Variants in ZNF644 observed in about 807,000 individuals in gnomAD.
ZNF644 encodes zinc finger protein 644.
A neutral mutation model predicts 108.0 loss-of-function variants in ZNF644; 20 were observed. The observed-to-expected ratio is 0.19, with a 90% CI of 0.13 to 0.27. The LOEUF is 0.27. ZNF644 is among the 10% of genes least tolerant of loss of function. The probability of loss-of-function intolerance (pLI) is 1.00; values close to 1 mark genes in which losing one functional copy is unlikely to be tolerated. For missense variants in ZNF644, 1,338 were observed against 1,548.9 expected (o/e 0.86, Z 2.29); for synonymous variants, 542 against 539.1 (o/e 1.01, Z -0.08).
At chr1:90,951,131 T>C (rs926105286) in intron 2 of ZNF644, among the ~76,000 whole-genome samples, 2 of 152,204 alleles carry the variant, frequency 1.3e-5, no homozygotes, top group African/African-American at 4.8e-5. Context: ...TTCTCATCAC[T>C]GCTATACCCA....
Position 90,938,368 on chromosome 1 carries a change from G to A in ZNF644, c.2986C>T (p.Arg996Cys), listed in dbSNP as rs921185022. 4.3e-6 allele frequency: 7 copies of A among 1,613,658 alleles called. No individual in the cohort carries two copies. Among genetic ancestry groups the A allele is most frequent in the African/African-American group, 1.3e-5 (1 of 74,846 alleles). ...LHRAGLSYEA[R>C]HVVSPEQIAT... ...ATTTGTTCTGGTGATACAACATGACGGGCTTCATAGCTTAATCCTGCTCTG... is the reference window on the plus strand; with the variant it reads ...ATTTGTTCTGGTGATACAACATGACAGGCTTCATAGCTTAATCCTGCTCTG... The change falls in exon 3 of 6, where the codon CGT becomes TGT. Residue 996 changes from arginine (R) to cysteine (C), a missense_variant. Physicochemically the swap from Arg to Cys is radical, Grantham distance 180 (BLOSUM62 -3). Around this residue, in one of 6 missense-constraint regions of ZNF644, gnomAD observed 11 missense variants for 45.8 expected, o/e 0.24. Transcript: ENST00000337393. The surrounding 1 kb of genome is among the most constrained non-coding windows in gnomAD (Gnocchi z 4.2).
intron 1 of ZNF644, among the ~76,000 whole-genome samples, chr1:90,993,725 T>C (rs1657863382): frequency 6.6e-6 from 1 of 152,194 alleles, no homozygotes. Context: ...TTTTTCAAAC[T>C]CAGAGACACA....
At chr1:90,964,893 C>T (rs1320872622) in intron 2 of ZNF644, among the ~76,000 whole-genome samples, 2 of 152,050 alleles carry the variant, frequency 1.3e-5, no homozygotes, top group Non-Finnish European at 2.9e-5. Flanking sequence ...TTATATAATG[C>T]TGTAGCATTT....
At chr1:91,020,640 T>A (rs547531001) in intron 1 of ZNF644, 4 of 152,214 alleles carry the variant, frequency 2.6e-5, no homozygotes, top group African/African-American at 4.8e-5. Context: ...TACTTACACA[T>A]GCAACTGAAG....
chr1:90,987,734 A>G (rs1321809603), intron 1 of ZNF644, among the ~76,000 whole-genome samples: 1 of 152,158 alleles, frequency 6.6e-6, no homozygotes, highest in African/African-American at 2.4e-5. Context: ...AGCAAGAACA[A>G]AATTATAGAC....
chr1:90,950,912 C>A (rs1272749518), intron 2 of ZNF644, among the ~76,000 whole-genome samples: 4 of 152,124 alleles, frequency 2.6e-5, no homozygotes, highest in African/African-American at 7.2e-5. Context: ...GTTCTTCTTA[C>A]CCATCTCCCT....
intron 2 of ZNF644, among the ~76,000 whole-genome samples, chr1:90,945,120 C>A (rs545795315): frequency 1.3e-5 from 2 of 151,814 alleles, no homozygotes; most frequent in Non-Finnish European, 2.9e-5. Flanking sequence ...AAAGTAGGAA[C>A]GTATTTGAAG....
intron 5 of ZNF644, among the ~76,000 whole-genome samples, chr1:90,917,726 G>A (rs1648949459): frequency 6.6e-6 from 1 of 152,122 alleles, no homozygotes; most frequent in Non-Finnish European, 1.5e-5. Context: ...TTGAACTCCT[G>A]GCCTCAAGTG....
At chr1:91,003,922 T>C (rs1396003292) in intron 1 of ZNF644, among the ~76,000 whole-genome samples, 2 of 152,008 alleles carry the variant, frequency 1.3e-5, no homozygotes, top group South Asian at 2.1e-4. Context: ...AAAAAACAAA[T>C]TGTAGAATTG....
Position 90,938,004 on chromosome 1 carries a change from C to T in ZNF644, c.3169G>A (p.Val1057Ile). Residue 1057 changes from valine to isoleucine, a missense_variant, in exon 4 of 6, where the codon GTT (valine) becomes ATT (isoleucine). By Grantham distance (29) the Val-to-Ile change is conservative. Around this residue, in one of 6 missense-constraint regions of ZNF644, gnomAD observed 287 missense variants for 310.9 expected, o/e 0.92. Coordinates refer to ENST00000337393, the MANE Select transcript of ZNF644 (RefSeq NM_201269.3). The surrounding 1 kb of genome is among the most constrained non-coding windows in gnomAD (Gnocchi z 4.2). ...FDTKIGLSNHVRGHLKRLGKT... is the reference protein window; with the variant it reads ...FDTKIGLSNHIRGHLKRLGKT... ...CCAAGTCTTTTCAAGTGGCCTCTAACATGATTTGATAATCCAATTTTAGTA... is the reference window on the plus strand; with the variant it reads ...CCAAGTCTTTTCAAGTGGCCTCTAATATGATTTGATAATCCAATTTTAGTA... 6.2e-7 allele frequency: 1 copy of T among 1,611,498 alleles called. No individual in the cohort carries two copies.
intron 1 of ZNF644, among the ~76,000 whole-genome samples, chr1:91,001,754 T>C (rs1658856941): frequency 6.6e-6 from 1 of 152,228 alleles, no homozygotes; most frequent in Non-Finnish European, 1.5e-5. Flanking sequence ...TTGTCCCTGT[T>C]TGCAGATGAC....
At chr1:90,952,719 T>C (rs1373021975) in intron 2 of ZNF644, among the ~76,000 whole-genome samples, 1 of 152,002 alleles carries the variant, frequency 6.6e-6, no homozygotes, top group Non-Finnish European at 1.5e-5. Flanking sequence ...GAAACTGATA[T>C]GGTAAAAGAT....
chr1:90,920,274 T>C (rs543859439), intron 4 of ZNF644, among the ~76,000 whole-genome samples: 2 of 152,166 alleles, frequency 1.3e-5, no homozygotes, highest in Non-Finnish European at 2.9e-5. Flanking sequence ...TGCCACACTG[T>C]ATTCAAACTC....
chr1:90,973,256 G>C (rs1466443118), intron 2 of ZNF644: 1 of 152,044 alleles, frequency 6.6e-6, no homozygotes, highest in African/African-American at 2.4e-5. Flanking sequence ...ATACATAAAT[G>C]GGTGAGAGTA....
chr1:90,960,752 T>C (rs985294977), intron 2 of ZNF644, among the ~76,000 whole-genome samples: 7 of 152,070 alleles, frequency 4.6e-5, no homozygotes, highest in Non-Finnish European at 7.4e-5. Context: ...GTGTGTGATC[T>C]CCCTCATTGC....
chr1:90,969,677 G>A (rs1422562276), intron 2 of ZNF644, among the ~76,000 whole-genome samples: 1 of 152,204 alleles, frequency 6.6e-6, no homozygotes, highest in Non-Finnish European at 1.5e-5. Context: ...TCTAGGTATC[G>A]TAGTGCTTGT....
At chr1:91,010,162 C>CT (rs1446007135) in intron 1 of ZNF644, among the ~76,000 whole-genome samples, 2 of 151,326 alleles carry the variant, frequency 1.3e-5, no homozygotes, top group African/African-American at 4.9e-5. Context: ...AATCTTATTA[C>CT]TTTTTATTAT....
intron 4 of ZNF644, among the ~76,000 whole-genome samples, chr1:90,923,915 AAG>A (rs1649740678): frequency 6.6e-6 from 1 of 152,152 alleles, no homozygotes; most frequent in Admixed American, 6.6e-5. Context: ...AGTTCAGAGA[AAG>A]AGTTAAAGGA....
At chr1:91,014,865 C>G (rs547974069) in intron 1 of ZNF644, among the ~76,000 whole-genome samples, 2 of 152,210 alleles carry the variant, frequency 1.3e-5, no homozygotes, top group Admixed American at 6.5e-5. Flanking sequence ...GAAGGTAGAA[C>G]AGAAAGGTCT....
Sources: allele counts gnomAD v4.1 joint callset (sites outside exome capture counted in the v4.1 genomes callset), GRCh38; gene constraint gnomAD v4.1.1; regional missense constraint gnomAD v4.1.1; non-coding constraint Gnocchi (gnomAD v3.1); transcripts MANE v1.5; gene names NCBI Gene and HGNC (gene_info 2026-07-23, HGNC 2026-07-21).